Variants in PNKD observed in about 807,000 individuals in gnomAD.
PNKD encodes the protein probable thioesterase PNKD.
In PNKD, 36 loss-of-function variants were observed where a neutral mutation model predicts 45.3. That is an observed-to-expected ratio of 0.80 (90% CI 0.61 to 1.05). The LOEUF (loss-of-function observed/expected upper bound fraction) is 1.05, where lower values mean the gene tolerates loss of function less well. Ranked by LOEUF, PNKD falls within the 50% of genes least tolerant of loss-of-function variation. PNKD has a pLI of 0.00. For synonymous variants in PNKD, 197 were observed against 210.1 expected, an observed-to-expected ratio of 0.94 and a Z score of 0.54; for missense variants, 511 against 506.6, an observed-to-expected ratio of 1.01 and a Z score of -0.08.
chr2:218,325,455 C>A (rs539292953), intron 2 of PNKD, among the ~76,000 whole-genome samples: 2 of 152,152 alleles, frequency 1.3e-5, no homozygotes, highest in African/African-American at 4.8e-5. Context: ...ATCTGCCCAC[C>A]TTGGCCTCCC....
intron 2 of PNKD, among the ~76,000 whole-genome samples, chr2:218,298,247 CT>C (rs1292087373): frequency 6.6e-6 from 1 of 152,164 alleles, no homozygotes; most frequent in Non-Finnish European, 1.5e-5. Flanking sequence ...TTCCCTGACC[CT>C]CAGAGTCACC....
intron 2 of PNKD, among the ~76,000 whole-genome samples, chr2:218,309,414 C>T (rs1386645764): frequency 6.8e-5 from 2 of 29,406 alleles, no homozygotes; most frequent in Non-Finnish European, 1.3e-4. Flanking sequence ...GAGACTCCGC[C>T]TCAAAAAAAA....
chr2:218,306,903 G>T (rs1693426132), intron 2 of PNKD, among the ~76,000 whole-genome samples: 1 of 152,158 alleles, frequency 6.6e-6, no homozygotes, highest in African/African-American at 2.4e-5. Context: ...CTTATAGAGT[G>T]GTTACATCCC....
chr2:218,293,297 G>C (rs951381589), intron 2 of PNKD, among the ~76,000 whole-genome samples: 2 of 152,186 alleles, frequency 1.3e-5, no homozygotes, highest in Middle Eastern at 3.2e-3. Flanking sequence ...AATATTACTG[G>C]AGCCTGGGCA....
chr2:218,324,957 G>GAA (rs142729410), intron 2 of PNKD, among the ~76,000 whole-genome samples: 4 of 95,500 alleles, frequency 4.2e-5, no homozygotes, highest in African/African-American at 1.6e-4. Flanking sequence ...AAAAGAAAAA[G>GAA]AAAAAAAAAT....
chr2:218,342,082 G>A lies in PNKD; in HGVS notation c.719G>A (p.Gly240Glu). Residue 240 changes from glycine (G) to glutamate (E), a missense_variant, in exon 7 of 10, where the codon GGG becomes GAG. Coordinates refer to ENST00000273077, the MANE Select transcript of PNKD (RefSeq NM_015488.5). ...GGCCATCTGGTCTACCTACTGGATG[G>A]GGAGCCCTACAAGGGTCCCTCCTGC... ...TQGHLVYLLD[G>E]EPYKGPSCLF... is the part of the protein sequence containing the mutation. The A allele has an allele frequency of 1.2e-6, 2 of 1,613,804 alleles. No individual in the cohort carries two copies. The highest frequency in any genetic ancestry group is 1.7e-6 in the Non-Finnish European group (2 of 1,179,736).
intron 2 of PNKD, chr2:218,275,242 C>T: frequency 2.2e-6 from 1 of 452,378 alleles, no homozygotes; most frequent in Non-Finnish European, 3.9e-6. Context: ...CATCTTCAGC[C>T]TAGTCCCTGC....
chr2:218,292,715 G>C (rs1478939132), intron 2 of PNKD: 1 of 152,222 alleles, frequency 6.6e-6, no homozygotes, highest in African/African-American at 2.4e-5. Context: ...ATACTGATAG[G>C]AAGCTAGAAA....
chr2:218,270,524 T>C lies in PNKD; in HGVS notation c.-12T>C. ...GGCGGGGAGCGCGGTGAAGCGGGGG[T>C]GGGATCTGAACATGGCGGCGGTGGT... On this transcript the variant is annotated 5_prime_UTR_variant, in exon 1 of 10. Coordinates refer to ENST00000273077, the MANE Select transcript of PNKD (RefSeq NM_015488.5). The C allele has an allele frequency of 8.2e-7, 1 of 1,214,294 alleles. No homozygotes were observed. The highest frequency in any genetic ancestry group is 3.6e-5 in the Admixed American group (1 of 27,898). The allele number at this position is 1,214,294 out of a possible 1,614,324, so 75.2% of individuals were successfully genotyped here. A position where few individuals can be genotyped will look rare whatever the true frequency, so the allele number is the denominator to read the frequency against.
chr2:218,276,635 C>T (rs550733504), intron 2 of PNKD, among the ~76,000 whole-genome samples: 10 of 130,962 alleles, frequency 7.6e-5, no homozygotes, highest in Non-Finnish European at 1.6e-4. Flanking sequence ...ATAATTGGAT[C>T]CAGAGACCCC....
chr2:218,276,032 G>A, intron 2 of PNKD: 2 of 1,612,408 alleles, frequency 1.2e-6, no homozygotes, highest in East Asian at 2.2e-5. Flanking sequence ...TTACCAGGGT[G>A]AAACAAATGG....
intron 2 of PNKD, chr2:218,272,946 A>G: frequency 6.8e-7 from 1 of 1,461,762 alleles, no homozygotes; most frequent in Non-Finnish European, 9.1e-7. Flanking sequence ...AGTAGAAAGG[A>G]ACCAGGTCTG....
intron 1 of PNKD, 136 bp from the exon 2 acceptor site, chr2:218,271,245 G>T: frequency 1.2e-6 from 1 of 816,632 alleles, no homozygotes; most frequent in Non-Finnish European, 2.2e-6. Flanking sequence ...ATTCTCCTTG[G>T]CACTTCTTAC....
chr2:218,277,338 G>C, intron 2 of PNKD: 1 of 1,603,102 alleles, frequency 6.2e-7, no homozygotes, highest in Non-Finnish European at 8.5e-7. Context: ...GAGTCGGGGG[G>C]CCAGGGAAGG....
chr2:218,345,104 C>A lies in PNKD; in HGVS notation c.*123C>A. 1 of 737,136 alleles carries A rather than the reference C, an allele frequency of 1.4e-6. No individual in the cohort carries two copies. The highest frequency in any genetic ancestry group is 2.7e-5 in the Admixed American group (1 of 36,728). The allele number at this position is 737,136 out of a possible 1,614,324, so 45.7% of individuals were successfully genotyped here. A position where few individuals can be genotyped will look rare whatever the true frequency, so the allele number is the denominator to read the frequency against. On this transcript the variant is annotated 3_prime_UTR_variant, in exon 10 of 10. Transcript: ENST00000273077. ...TCGGCACCCAAGCGGGCATCATCCC[C>A]CCACACTGCTCAGGGGAGGGGAGGG...
At position 218,304,286 on chromosome 2, in the gene PNKD, A is replaced by C. The variant is rs1456250804; in HGVS notation, c.236+32737A>C. Reference sequence around the variant, plus strand: ...CTCAGCCTCCCAAGTAGCTGGGATTACAGATGCCTGCCACCATGCCTGATT... The same window carrying C: ...CTCAGCCTCCCAAGTAGCTGGGATTCCAGATGCCTGCCACCATGCCTGATT... On this transcript the variant is annotated intron_variant, in intron 2 of 9. Transcript: ENST00000273077. Among the ~76,000 whole-genome samples, 3 of 152,130 alleles carry C rather than the reference A, an allele frequency of 2.0e-5. No homozygotes were observed. In the East Asian group the frequency reaches 5.8e-4, roughly 29 times the overall value.
chr2:218,279,821 T>C lies in PNKD; in HGVS notation c.236+8272T>C, dbSNP rs138267449. 4.2e-4 allele frequency among the ~76,000 whole-genome samples: 62 copies of C among 147,422 alleles called. 2 individuals are homozygous for C. In the South Asian group the frequency reaches 7.6e-3, roughly 18 times the overall value. ...AGACTGAATGTGTCCTCCCAAAACA[T>C]GGTCAAGAAGAGAGGTGCAAAAAGA... On this transcript the variant is annotated intron_variant, in intron 2 of 9. Coordinates refer to ENST00000273077, the MANE Select transcript of PNKD (RefSeq NM_015488.5).
chr2:218,291,097 G>A (rs1311361262), intron 2 of PNKD, among the ~76,000 whole-genome samples: 2 of 152,174 alleles, frequency 1.3e-5, no homozygotes, highest in African/African-American at 2.4e-5. Context: ...TCCCAGGGGA[G>A]GAGGCTGAGC....
At chr2:218,276,957 G>T in intron 2 of PNKD, 2 of 1,523,984 alleles carry the variant, frequency 1.3e-6, no homozygotes, top group Non-Finnish European at 9.1e-7. Flanking sequence ...TAGGAAGTCT[G>T]CCCTGAGCAC....
Sources: gnomAD v4.1 joint callset for allele counts (sites outside exome capture counted in the v4.1 genomes callset) on GRCh38, gnomAD v4.1.1 for gene constraint, MANE v1.5 for transcripts, NCBI Gene and HGNC (gene_info 2026-07-23, HGNC 2026-07-21) for gene names.